The following BABAM2 variants were observed in gnomAD, a reference collection of about 807,000 sequenced individuals.
BABAM2 encodes BRISC and BRCA1-A complex member 2.
In BABAM2, 31 loss-of-function variants were observed where a neutral mutation model predicts 54.7. The ratio of observed to expected loss-of-function variants is 0.57; its 90% CI spans 0.43 to 0.77. The LOEUF (loss-of-function observed/expected upper bound fraction) is 0.77. Among genes scored for constraint, BABAM2 ranks in the 30% least tolerant of loss-of-function variants. The pLI is 0.00. For synonymous variants in BABAM2, 167 were observed against 162.9 expected, an observed-to-expected ratio of 1.03 and a Z score of -0.19; for missense variants, 364 against 455.8, an observed-to-expected ratio of 0.80 and a Z score of 1.83.
chr2:28,290,695 G>A (rs181335997), intron 10 of BABAM2, among the ~76,000 whole-genome samples: 17 of 152,296 alleles, frequency 1.1e-4, no homozygotes, highest in African/African-American at 3.9e-4. Flanking sequence ...AATCACTTGA[G>A]GTGCATTTTC....
chr2:28,158,286 A>G (rs999528482), intron 7 of BABAM2, among the ~76,000 whole-genome samples: 6 of 152,252 alleles, frequency 3.9e-5, no homozygotes, highest in African/African-American at 1.4e-4. Context: ...GGTTTAAATC[A>G]GCAAGATAGT....
chr2:28,177,605 A>G (rs1036884913), intron 7 of BABAM2, among the ~76,000 whole-genome samples: 4 of 152,112 alleles, frequency 2.6e-5, no homozygotes, highest in African/African-American at 9.7e-5. Flanking sequence ...CCAGAAAACG[A>G]TTGAACAAAA....
intron 2 of BABAM2, among the ~76,000 whole-genome samples, chr2:27,913,058 G>T (rs1666723615): frequency 6.6e-6 from 1 of 152,046 alleles, no homozygotes; most frequent in African/African-American, 2.4e-5. Flanking sequence ...TCAGAAAAGT[G>T]TTTTTCAAAC....
chr2:28,024,405 CAA>C (rs1205500068), intron 4 of BABAM2, among the ~76,000 whole-genome samples: 12 of 110,390 alleles, frequency 1.1e-4, no homozygotes, highest in Admixed American at 2.9e-4. Context: ...GACTCCATCT[CAA>C]AAAAAAAAAA....
At chr2:28,311,442 T>C (rs1689083089) in intron 11 of BABAM2, among the ~76,000 whole-genome samples, 1 of 151,934 alleles carries the variant, frequency 6.6e-6, no homozygotes, top group Non-Finnish European at 1.5e-5. Context: ...AAGGAAAGGG[T>C]AGAGGAGCTG....
chr2:28,206,657 ATCTGTTTG>A (rs1678878462), intron 7 of BABAM2, among the ~76,000 whole-genome samples: 3 of 152,148 alleles, frequency 2.0e-5, no homozygotes, highest in Admixed American at 2.0e-4. Context: ...AGGAAGGGGC[ATCTGTTTG>A]TCGCCTATCT....
At chr2:27,896,324 C>G (rs1665320420) in intron 2 of BABAM2, 1 of 155,870 alleles carries the variant, frequency 6.4e-6, no homozygotes, top group African/African-American at 2.4e-5. Context: ...CTACTATTGT[C>G]TAGTCTGGTC....
At chr2:27,923,602 A>G (rs1374062603) in intron 2 of BABAM2, among the ~76,000 whole-genome samples, 3 of 152,166 alleles carry the variant, frequency 2.0e-5, no homozygotes, top group African/African-American at 7.2e-5. Context: ...TGGGCTCTAG[A>G]GCAAGACACT....
At chr2:27,961,341 A>G (rs1670452856) in intron 3 of BABAM2, among the ~76,000 whole-genome samples, 1 of 152,230 alleles carries the variant, frequency 6.6e-6, no homozygotes, top group African/African-American at 2.4e-5. Context: ...TTCAGTAGAA[A>G]CTATGCTTTG....
intron 4 of BABAM2, among the ~76,000 whole-genome samples, chr2:28,020,163 C>T (rs924760170): frequency 2.0e-5 from 3 of 152,122 alleles, no homozygotes; most frequent in Non-Finnish European, 4.4e-5. Flanking sequence ...GATTTGTTTT[C>T]CAGACGGTTA....
At chr2:28,336,334 T>C (rs1188873422) in intron 11 of BABAM2, among the ~76,000 whole-genome samples, 1 of 152,142 alleles carries the variant, frequency 6.6e-6, no homozygotes, top group East Asian at 1.9e-4. Context: ...AAAACCAAAT[T>C]GGTCAGAGCA....
chr2:28,324,119 G>A (rs955700841), intron 11 of BABAM2, among the ~76,000 whole-genome samples: 3 of 152,170 alleles, frequency 2.0e-5, no homozygotes, highest in Non-Finnish European at 4.4e-5. Flanking sequence ...ACAAATGTAG[G>A]TGCAATGGGG....
intron 11 of BABAM2, among the ~76,000 whole-genome samples, chr2:28,318,136 C>G (rs1315451520): frequency 1.3e-5 from 2 of 152,206 alleles, no homozygotes; most frequent in Non-Finnish European, 2.9e-5. Flanking sequence ...AGTAGTATCT[C>G]TGTTCCTCCC....
chr2:28,065,911 C>T lies in BABAM2; in HGVS notation c.570+20112C>T, dbSNP rs189275566. ...ATCCCAGCACTTTGGGAGGCCGAGGCAGGCGGATCACTTGTGGTCTGGAGT... is the reference window on the plus strand; with the variant it reads ...ATCCCAGCACTTTGGGAGGCCGAGGTAGGCGGATCACTTGTGGTCTGGAGT... On this transcript the variant is annotated intron_variant, in intron 6 of 11. Coordinates refer to ENST00000379624, the MANE Select transcript of BABAM2 (RefSeq NM_199191.3). Among the ~76,000 whole-genome samples the T allele has an allele frequency of 6.4e-3, 948 of 149,148 alleles. 7 individuals carry two copies. Among genetic ancestry groups the T allele is most frequent in the Non-Finnish European group, 7.9e-3 (533 of 67,608 alleles).
chr2:28,244,284 A>G (rs1411669611), intron 9 of BABAM2, among the ~76,000 whole-genome samples: 1 of 152,208 alleles, frequency 6.6e-6, no homozygotes, highest in Non-Finnish European at 1.5e-5. Flanking sequence ...ATTTAGTAAT[A>G]CTGTCATTGC....
intron 7 of BABAM2, among the ~76,000 whole-genome samples, chr2:28,235,333 C>A (rs955778703): frequency 6.6e-6 from 1 of 152,070 alleles, no homozygotes; most frequent in East Asian, 1.9e-4. Context: ...CATGCCACCA[C>A]GCCCAGCTAA....
At chr2:28,212,551 G>A (rs1421375829) in intron 7 of BABAM2, among the ~76,000 whole-genome samples, 1 of 152,080 alleles carries the variant, frequency 6.6e-6, no homozygotes, top group African/African-American at 2.4e-5. Flanking sequence ...ATATGAGCGT[G>A]TATTCTAAAA....
At chr2:28,258,743 G>A (rs927830130) in intron 10 of BABAM2, among the ~76,000 whole-genome samples, 11 of 150,080 alleles carry the variant, frequency 7.3e-5, no homozygotes, top group Non-Finnish European at 1.6e-4. Flanking sequence ...CTCCTGAGCA[G>A]CAGGGACTGC....
chr2:27,892,046 C>T (rs747266161), intron 1 of BABAM2, among the ~76,000 whole-genome samples: 13 of 152,252 alleles, frequency 8.5e-5, no homozygotes, highest in East Asian at 1.9e-4. Flanking sequence ...ATAAGATATA[C>T]GCTTTACAAA....
Sources: allele counts gnomAD v4.1 joint callset (sites outside exome capture counted in the v4.1 genomes callset), GRCh38; gene constraint gnomAD v4.1.1; transcripts MANE v1.5; gene names NCBI Gene and HGNC (gene_info 2026-07-23, HGNC 2026-07-21).